CDC42BPB: variants seen among roughly 807,000 people sequenced by gnomAD.
CDC42BPB encodes serine/threonine-protein kinase MRCK beta.
CDC42BPB carries 37 observed loss-of-function variants against 214.9 expected under a neutral mutation model. That is an observed-to-expected ratio of 0.17 (90% CI 0.13 to 0.23). The LOEUF (loss-of-function observed/expected upper bound fraction) is 0.23, where lower values mean the gene tolerates loss of function less well. Ranked by LOEUF, CDC42BPB falls within the 10% of genes least tolerant of loss-of-function variation. The probability of loss-of-function intolerance (pLI) is 1.00; values close to 1 mark genes in which losing one functional copy is unlikely to be tolerated. For synonymous variants in CDC42BPB, 931 were observed against 884.0 expected (o/e 1.05, Z -0.94); for missense variants, 1,694 against 2,227.0 (o/e 0.76, Z 4.82).
chr14:103,042,857 C>A (rs1229492010), intron 1 of CDC42BPB, among the ~76,000 whole-genome samples: 1 of 152,338 alleles, frequency 6.6e-6, no homozygotes. Context: ...CTGTAGAAAA[C>A]AACCTGGCAG....
Position 102,932,457 on chromosome 14 carries a change from C to CAAAG in CDC42BPB, c.*1251_*1254dup. 1 of 152,496 alleles carries CAAAG rather than the reference C, an allele frequency of 6.6e-6. No homozygotes were observed. The allele number at this position is 152,496 out of a possible 1,614,324, so 9.4% of individuals were successfully genotyped here. On this transcript the variant is annotated 3_prime_UTR_variant, in exon 37 of 37. Coordinates refer to ENST00000361246, the MANE Select transcript of CDC42BPB (RefSeq NM_006035.4). ...GTTCTCACAATTCAATAATTAATTA[C>CAAAG]AAAGACTGAGACTTACATTAAAAAA...
chr14:103,004,124 C>T lies in CDC42BPB; in HGVS notation c.352-101G>A, dbSNP rs1463638882. On this transcript the variant is annotated intron_variant, in intron 3 of 36. Transcript: ENST00000361246. This position sits in a 1 kb window ranked among gnomAD's most constrained non-coding sequence, Gnocchi z 5.3. ...CCTCCTGGGACAGTGGCTCCAGCCA[C>T]GGTGTCCCTGCCTTCCGGGCTCCTC... 7.7e-6 allele frequency: 11 copies of T among 1,422,058 alleles called. No homozygotes were observed. Among genetic ancestry groups the T allele is most frequent in the East Asian group, 5.4e-5 (2 of 36,996 alleles). 88.1% of individuals were successfully genotyped at this position (1,422,058 alleles called of 1,614,324 possible).
intron 12 of CDC42BPB, among the ~76,000 whole-genome samples, chr14:102,973,772 TG>T (rs1262969986): frequency 6.6e-6 from 1 of 152,098 alleles, no homozygotes; most frequent in Non-Finnish European, 1.5e-5. Context: ...GGATAACCGC[TG>T]GGGGCAAGGG....
At chr14:102,956,653 G>T (rs1364126311) in intron 21 of CDC42BPB, among the ~76,000 whole-genome samples, 1 of 151,970 alleles carries the variant, frequency 6.6e-6, no homozygotes, top group Non-Finnish European at 1.5e-5. Flanking sequence ...AATATAGCAA[G>T]AATCCATCTC....
At chr14:103,050,487 G>A (rs768401043) in intron 1 of CDC42BPB, among the ~76,000 whole-genome samples, 3 of 152,176 alleles carry the variant, frequency 2.0e-5, no homozygotes, top group African/African-American at 4.8e-5. Flanking sequence ...ATAGCGGAGC[G>A]CAGTGGCTCA....
Position 102,945,457 on chromosome 14 carries a change from C to G in CDC42BPB, c.3811+205G>C, listed in dbSNP as rs34711530. ...CCCCCACCCACTCCCGCTCAGTGCT[C>G]CCCTTGAAGAACTCGATGGATGTGA... On this transcript the variant is annotated intron_variant, in intron 29 of 36. Coordinates refer to ENST00000361246, the MANE Select transcript of CDC42BPB (RefSeq NM_006035.4). 1,514 of 579,526 alleles carry G rather than the reference C, an allele frequency of 2.6e-3. 19 individuals are homozygous for G. Among genetic ancestry groups the G allele is most frequent in the African/African-American group, 0.025 (1,370 of 53,844 alleles). The allele number at this position is 579,526 out of a possible 1,614,324, so 35.9% of individuals were successfully genotyped here.
chr14:103,041,283 G>C (rs1179568930), intron 1 of CDC42BPB, among the ~76,000 whole-genome samples: 1 of 152,150 alleles, frequency 6.6e-6, no homozygotes, highest in Non-Finnish European at 1.5e-5. Context: ...ATTCAAAATT[G>C]ATCAAAGAAC....
intron 1 of CDC42BPB, among the ~76,000 whole-genome samples, chr14:103,017,381 T>A (rs1410098061): frequency 6.6e-6 from 1 of 151,984 alleles, no homozygotes; most frequent in African/African-American, 2.4e-5. Context: ...ATATAAAATT[T>A]AAAAATCTGA....
intron 2 of CDC42BPB, 141 bp downstream of exon 2, chr14:103,011,956 A>T: frequency 1.5e-6 from 1 of 674,596 alleles, no homozygotes; most frequent in South Asian, 1.6e-5. Flanking sequence ...TCTTAGAAAG[A>T]GAGAGAGGAA....
At chr14:102,935,542 C>G in intron 36 of CDC42BPB, among the ~76,000 whole-genome samples, 1 of 152,150 alleles carries the variant, frequency 6.6e-6, no homozygotes, top group East Asian at 1.9e-4. Context: ...GTAATCCCAG[C>G]ACTTTGGGAG....
chr14:102,964,575 C>T lies in CDC42BPB; in HGVS notation c.2653G>A (p.Ala885Thr). 2.5e-6 allele frequency: 4 copies of T among 1,613,952 alleles called. No homozygotes were observed. Among genetic ancestry groups the T allele is most frequent in the Non-Finnish European group, 3.4e-6 (4 of 1,180,012 alleles). Reference sequence around the variant, plus strand: ...ACAAGCTGCTTGGCCCGGATCTCCGCCTCCAGGGCCGACTGCAGCTCCAGC... The same window carrying T: ...ACAAGCTGCTTGGCCCGGATCTCCGTCTCCAGGGCCGACTGCAGCTCCAGC... ...ARLELQSALEAEIRAKQLVQE... is the reference protein window; with the variant it reads ...ARLELQSALETEIRAKQLVQE... Residue 885 changes from alanine to threonine, a missense_variant, in exon 19 of 37, where the codon GCG becomes ACG. By Grantham distance (58) the Ala-to-Thr change is moderately conservative. Transcript: ENST00000361246.
At chr14:102,958,555 G>T (rs781515639) in intron 21 of CDC42BPB, among the ~76,000 whole-genome samples, 6 of 152,076 alleles carry the variant, frequency 3.9e-5, no homozygotes, top group Non-Finnish European at 7.4e-5. Flanking sequence ...ATCCCTACAG[G>T]TTTCAAAGAG....
Position 102,949,829 on chromosome 14 carries a change from A to G in CDC42BPB, c.3385T>C (p.Tyr1129His), listed in dbSNP as rs1490323123. 6.2e-7 allele frequency: 1 copy of G among 1,613,640 alleles called. No individual in the cohort carries two copies. Among genetic ancestry groups the G allele is most frequent in the East Asian group, 2.2e-5 (1 of 44,868 alleles). ...AVVCDCKLFL[Y>H]DLPEGKSTQP... ...GTGGATTTTCCTTCAGGCAGATCAT[A>G]CAGGAAGAGCTTGCAGTCACAGACG... The change falls in exon 26 of 37, where the codon TAT (tyrosine) becomes CAT (histidine). Residue 1129 changes from tyrosine to histidine, a missense_variant. Coordinates refer to ENST00000361246, the MANE Select transcript of CDC42BPB (RefSeq NM_006035.4).
At chr14:103,019,612 G>A (rs900807796) in intron 1 of CDC42BPB, among the ~76,000 whole-genome samples, 3 of 152,000 alleles carry the variant, frequency 2.0e-5, no homozygotes, top group Non-Finnish European at 2.9e-5. Context: ...ACCAAAGGGC[G>A]GCCTTCTCTA....
chr14:102,991,428 G>T (rs976631744), intron 5 of CDC42BPB, among the ~76,000 whole-genome samples: 2 of 152,238 alleles, frequency 1.3e-5, no homozygotes, highest in Non-Finnish European at 2.9e-5. Flanking sequence ...TAGATTAAAA[G>T]AGATTAAAGA....
intron 1 of CDC42BPB, among the ~76,000 whole-genome samples, chr14:103,021,099 A>C (rs1272378246): frequency 6.6e-6 from 1 of 152,208 alleles, no homozygotes; most frequent in East Asian, 1.9e-4. Context: ...CTGTAAAAAG[A>C]ACAACCATTA....
intron 1 of CDC42BPB, among the ~76,000 whole-genome samples, chr14:103,046,639 A>G (rs1289202904): frequency 6.6e-6 from 1 of 152,204 alleles, no homozygotes; most frequent in Non-Finnish European, 1.5e-5. Flanking sequence ...GGATGTTACA[A>G]AAAGGAATAC....
chr14:103,048,532 C>CA (rs71119751), intron 1 of CDC42BPB, among the ~76,000 whole-genome samples: 5,302 of 42,510 alleles, frequency 0.12, 438 homozygotes, highest in East Asian at 0.14. Context: ...ACTAAAAATA[C>CA]AAAAAAAAAA....
intron 1 of CDC42BPB, among the ~76,000 whole-genome samples, chr14:103,044,126 A>AT (rs2139758367): frequency 6.6e-6 from 1 of 152,360 alleles, no homozygotes; most frequent in South Asian, 2.1e-4. Flanking sequence ...TTAAAGGTAC[A>AT]TCAGAAAGCT....
Sources: allele counts gnomAD v4.1 joint callset (sites outside exome capture counted in the v4.1 genomes callset), GRCh38; gene constraint gnomAD v4.1.1; non-coding constraint Gnocchi (gnomAD v3.1); transcripts MANE v1.5; gene names NCBI Gene and HGNC (gene_info 2026-07-23, HGNC 2026-07-21).